GABRG3: variants seen among roughly 807,000 people sequenced by gnomAD.
GABRG3 encodes gamma-aminobutyric acid type A receptor subunit gamma3.
Under a neutral mutation model 48.8 loss-of-function variants are expected in GABRG3, and 25 were observed. That is an observed-to-expected ratio of 0.51 (90% CI 0.37 to 0.72). GABRG3 has a LOEUF of 0.72. GABRG3 is among the 30% of genes least tolerant of loss of function. The probability of loss-of-function intolerance (pLI) is 0.00; values close to 1 mark genes in which losing one functional copy is unlikely to be tolerated. For missense variants in GABRG3, 394 were observed against 577.9 expected, an observed-to-expected ratio of 0.68 and a Z score of 3.26; for synonymous variants, 227 against 217.6, an observed-to-expected ratio of 1.04 and a Z score of -0.38.
intron 5 of GABRG3, among the ~76,000 whole-genome samples, chr15:27,444,906 G>C (rs1413952106): frequency 6.6e-6 from 1 of 151,448 alleles, no homozygotes; most frequent in African/African-American, 2.4e-5. Flanking sequence ...TTTTGGGACA[G>C]AGTCACCCAG....
intron 5 of GABRG3, among the ~76,000 whole-genome samples, chr15:27,333,010 A>T (rs1308590748): frequency 2.0e-5 from 3 of 152,210 alleles, no homozygotes. Context: ...TAATGTTATT[A>T]GTTTATTTAA....
chr15:27,093,866 G>C (rs1307522659), intron 3 of GABRG3, among the ~76,000 whole-genome samples: 1 of 152,132 alleles, frequency 6.6e-6, no homozygotes, highest in African/African-American at 2.4e-5. Context: ...CATGCTGGGA[G>C]GCACAGAGCA....
At chr15:27,308,042 T>C (rs115327017) in intron 3 of GABRG3, among the ~76,000 whole-genome samples, 1,517 of 117,468 alleles carry the variant, frequency 0.013, 157 homozygotes, top group African/African-American at 0.063. Context: ...TATATGTAAA[T>C]GTATATAATA....
At chr15:27,024,281 C>G (rs538046216) in intron 2 of GABRG3, among the ~76,000 whole-genome samples, 1 of 152,234 alleles carries the variant, frequency 6.6e-6, no homozygotes, top group East Asian at 1.9e-4. Context: ...CTGTTGTGCC[C>G]TATATGCACA....
At chr15:27,200,942 A>G (rs115189531) in intron 3 of GABRG3, among the ~76,000 whole-genome samples, 2,674 of 152,130 alleles carry the variant, frequency 0.018, 78 homozygotes, top group African/African-American at 0.061. Flanking sequence ...TAGCTCATCC[A>G]TACTTCATGA....
At chr15:27,389,739 A>G (rs747235976) in intron 5 of GABRG3, among the ~76,000 whole-genome samples, 2 of 152,250 alleles carry the variant, frequency 1.3e-5, no homozygotes, top group South Asian at 4.1e-4. Context: ...ACATCAACTT[A>G]TATTTGGTAA....
At chr15:27,397,440 A>G (rs1270100290) in intron 5 of GABRG3, among the ~76,000 whole-genome samples, 1 of 152,094 alleles carries the variant, frequency 6.6e-6, no homozygotes, top group Non-Finnish European at 1.5e-5. Context: ...GGCAATATTC[A>G]CCATCATTAG....
chr15:27,032,155 T>C (rs1398193582), intron 3 of GABRG3, among the ~76,000 whole-genome samples: 1 of 152,200 alleles, frequency 6.6e-6, no homozygotes, highest in East Asian at 1.9e-4. Flanking sequence ...TGTTCTGTGA[T>C]GTTTTAAAGC....
At chr15:27,196,806 G>T (rs1033904695) in intron 3 of GABRG3, among the ~76,000 whole-genome samples, 2 of 152,204 alleles carry the variant, frequency 1.3e-5, no homozygotes, top group East Asian at 3.9e-4. Context: ...TGAAATATGG[G>T]CAGTAGCCTC....
intron 2 of GABRG3, among the ~76,000 whole-genome samples, chr15:26,986,938 C>T (rs1458278558): frequency 1.3e-5 from 2 of 152,158 alleles, no homozygotes; most frequent in South Asian, 2.1e-4. Context: ...CTCACTGGAC[C>T]GTGGGTTTCT....
intron 3 of GABRG3, among the ~76,000 whole-genome samples, chr15:27,230,574 T>A (rs1214511871): frequency 6.6e-6 from 1 of 152,196 alleles, no homozygotes; most frequent in Admixed American, 6.5e-5. Context: ...CTTTTATAAT[T>A]TGTATATGTT....
At chr15:27,031,824 T>C (rs955748706) in intron 3 of GABRG3, among the ~76,000 whole-genome samples, 1 of 152,180 alleles carries the variant, frequency 6.6e-6, no homozygotes, top group Non-Finnish European at 1.5e-5. Flanking sequence ...GTGGAACTCT[T>C]TTGGAGTCAT....
rs552573090 is a variant in GABRG3, at chr15:27,367,197, C to A, written c.574+38309C>A. On this transcript the variant is annotated intron_variant, in intron 5 of 9. Coordinates refer to ENST00000615808, the MANE Select transcript of GABRG3 (RefSeq NM_033223.5). ...TGGAGCTGCTCACTACCTCCCTCCC[C>A]CTACAAGGACACCCTGCACTCTTCC... Among the ~76,000 whole-genome samples the A allele has an allele frequency of 3.3e-5, 5 of 152,298 alleles. No homozygotes were observed. In the South Asian group the frequency reaches 6.2e-4, roughly 19 times the overall value.
intron 5 of GABRG3, among the ~76,000 whole-genome samples, chr15:27,469,040 C>T (rs962052949): frequency 1.7e-4 from 26 of 152,324 alleles, no homozygotes; most frequent in African/African-American, 6.0e-4. Flanking sequence ...CAACCAACAG[C>T]AGTAGATTCA....
At chr15:26,983,501 A>T (rs1595454946) in intron 2 of GABRG3, among the ~76,000 whole-genome samples, 1 of 152,188 alleles carries the variant, frequency 6.6e-6, no homozygotes, top group South Asian at 2.1e-4. Flanking sequence ...TCAGATAAAG[A>T]CCAAGTCCCT....
chr15:27,050,446 G>A (rs1896438013), intron 3 of GABRG3, among the ~76,000 whole-genome samples: 1 of 152,182 alleles, frequency 6.6e-6, no homozygotes, highest in African/African-American at 2.4e-5. Flanking sequence ...CCTGGGAGGT[G>A]GCAGGGCAGC....
At chr15:27,012,281 T>G (rs908496790) in intron 2 of GABRG3, among the ~76,000 whole-genome samples, 5 of 152,310 alleles carry the variant, frequency 3.3e-5, no homozygotes, top group Admixed American at 2.6e-4. Context: ...AGCCATGATC[T>G]TAACTATTTT....
At chr15:27,275,825 A>G (rs767114974) in intron 3 of GABRG3, among the ~76,000 whole-genome samples, 13 of 152,338 alleles carry the variant, frequency 8.5e-5, no homozygotes, top group South Asian at 2.1e-4. Context: ...CTGTGACTGC[A>G]GGTCCGATGG....
intron 3 of GABRG3, among the ~76,000 whole-genome samples, chr15:27,276,518 C>G (rs976570838): frequency 7.9e-5 from 12 of 152,122 alleles, no homozygotes; most frequent in African/African-American, 2.9e-4. Flanking sequence ...GCACCCAGAA[C>G]AGCACTTCAT....
Sources: allele counts gnomAD v4.1 joint callset (sites outside exome capture counted in the v4.1 genomes callset), GRCh38; gene constraint gnomAD v4.1.1; transcripts MANE v1.5; gene names NCBI Gene and HGNC (gene_info 2026-07-23, HGNC 2026-07-21).